Variants in RP1 observed in about 807,000 individuals in gnomAD.
RP1 encodes RP1 axonemal microtubule associated.
In RP1, 16 loss-of-function variants were observed where a neutral mutation model predicts 14.8. The observed-to-expected ratio is 1.08, with a 90% CI of 0.73 to 1.65. The LOEUF is 1.65. RP1 is among the 40% of genes most tolerant of loss of function. The probability of loss-of-function intolerance (pLI) is 0.00; values close to 1 mark genes in which losing one functional copy is unlikely to be tolerated. For missense variants in RP1, 2,631 were observed against 2,535.0 expected (o/e 1.04, Z -0.81); for synonymous variants, 876 against 883.6 (o/e 0.99, Z 0.15).
chr8:54,652,804 C>T (rs1330762530), exon 5 of RP1: 1 of 1,535,846 alleles, frequency 6.5e-7, no homozygotes, highest in Admixed American at 2.0e-5. Context: ...CATTGGAGCA[C>T]TCTTTAAGAT....
intron 23 of RP1, among the ~76,000 whole-genome samples, chr8:54,775,296 C>A (rs565516885): frequency 6.6e-6 from 1 of 152,152 alleles, no homozygotes; most frequent in Non-Finnish European, 1.5e-5. Flanking sequence ...AAGGTGGAAT[C>A]AACTTGGGCA....
intron 21 of RP1, among the ~76,000 whole-genome samples, chr8:54,757,917 G>T (rs1809548832): frequency 6.6e-6 from 1 of 152,194 alleles, no homozygotes; most frequent in Non-Finnish European, 1.5e-5. Flanking sequence ...ATCATTACTG[G>T]ACTAGTAATG....
chr8:54,611,443 C>T (rs932407869), upstream of RP1, among the ~76,000 whole-genome samples: 1 of 152,112 alleles, frequency 6.6e-6, no homozygotes, highest in Non-Finnish European at 1.5e-5. Flanking sequence ...TTTTCAAGTT[C>T]TGCTGATTGT....
At chr8:54,830,504 C>T (rs928829878) in intron 24 of RP1, among the ~76,000 whole-genome samples, 1 of 152,086 alleles carries the variant, frequency 6.6e-6, no homozygotes, top group African/African-American at 2.4e-5. Context: ...TGTTAATATA[C>T]AGATGCAGAT....
At chr8:54,867,207 T>A (rs1223605580) in intron 28 of RP1, among the ~76,000 whole-genome samples, 2 of 152,200 alleles carry the variant, frequency 1.3e-5, no homozygotes, top group Non-Finnish European at 2.9e-5. Context: ...TACCTTACTA[T>A]AGTTTCGATT....
At chr8:54,815,586 C>T (rs982993241) in intron 24 of RP1, among the ~76,000 whole-genome samples, 1 of 152,124 alleles carries the variant, frequency 6.6e-6, no homozygotes, top group African/African-American at 2.4e-5. Flanking sequence ...TCTAAGATGG[C>T]ACATTTTAAA....
At chr8:54,618,848 A>G (rs1226648004) in intron 1 of RP1, among the ~76,000 whole-genome samples, 1 of 152,118 alleles carries the variant, frequency 6.6e-6, no homozygotes, top group African/African-American at 2.4e-5. Flanking sequence ...TTTAGTAGAG[A>G]TGAGATTTCA....
intron 28 of RP1, among the ~76,000 whole-genome samples, chr8:54,867,404 T>C (rs1457507107): frequency 6.6e-6 from 1 of 152,138 alleles, no homozygotes; most frequent in East Asian, 1.9e-4. Context: ...ATTTTTATTT[T>C]TGAAAGAAAT....
chr8:54,724,577 C>T (rs1808609462), intron 16 of RP1, among the ~76,000 whole-genome samples: 1 of 149,608 alleles, frequency 6.7e-6, no homozygotes, highest in South Asian at 2.1e-4. Context: ...ACAGTTTTCA[C>T]TTTTTTTTTT....
At chr8:54,578,647 C>T (rs1260687077) in intron 1 of RP1, among the ~76,000 whole-genome samples, 1 of 151,982 alleles carries the variant, frequency 6.6e-6, no homozygotes, top group Non-Finnish European at 1.5e-5. Flanking sequence ...AATGAAGGTC[C>T]CAGGATCATG....
At chr8:54,684,088 A>T (rs1451486271) in intron 12 of RP1, among the ~76,000 whole-genome samples, 1 of 137,026 alleles carries the variant, frequency 7.3e-6, no homozygotes, top group African/African-American at 2.8e-5. Flanking sequence ...TTTTGTCTTT[A>T]GTTCTGTTTA....
chr8:54,626,504 G>A lies in RP1; in HGVS notation c.2622G>A (p.Gly874=), dbSNP rs369939931. The A allele has an allele frequency of 2.0e-5, 33 of 1,613,502 alleles. No homozygotes were observed. Among genetic ancestry groups the A allele is most frequent in the African/African-American group, 2.7e-5 (2 of 74,818 alleles). The part of the protein sequence containing the change: ...ITLKSQKKRK[G]DKVKASAILS... Reference sequence around the variant, plus strand: ...TAAAAAGCCAGAAAAAACGTAAAGGGGATAAAGTGAAAGCAAGTGCTATTT... The same window carrying A: ...TAAAAAGCCAGAAAAAACGTAAAGGAGATAAAGTGAAAGCAAGTGCTATTT... Residue 874 remains glycine (G), a synonymous_variant, in exon 4 of 4, where the codon GGG becomes GGA. Coordinates refer to ENST00000220676, the MANE Select transcript of RP1 (RefSeq NM_006269.2).
In RP1 at chr8:54,625,109, C is replaced by T. The variant is rs748967968; in HGVS notation, c.1227C>T (p.Asn409=). The T allele has an allele frequency of 2.5e-6, 4 of 1,614,004 alleles. No homozygotes were observed. The African/African-American group carries it at 5.3e-5, about 22-fold the overall frequency. Residue 409 remains asparagine (N), a synonymous_variant, in exon 4 of 4, where the codon AAC becomes AAT. Transcript: ENST00000220676. ...NQEGSLAEEI[N]IQMTDQVAET... is the part of the protein sequence containing the mutation. Reference sequence around the variant, plus strand: ...AGGGCAGTTTGGCAGAGGAGATAAACATTCAAATGACAGATCAAGTGGCTG... The same window carrying T: ...AGGGCAGTTTGGCAGAGGAGATAAATATTCAAATGACAGATCAAGTGGCTG...
At chr8:54,656,231 C>T in intron 6 of RP1, 1 of 1,530,242 alleles carries the variant, frequency 6.5e-7, no homozygotes, top group East Asian at 2.5e-5. Context: ...AAAGATTCAA[C>T]TCCAGGTAGC....
intron 19 of RP1, among the ~76,000 whole-genome samples, chr8:54,740,316 G>T (rs1420332300): frequency 1.3e-5 from 2 of 148,318 alleles, no homozygotes; most frequent in East Asian, 3.9e-4. Context: ...GAGGTGTAAG[G>T]CAGTGATATG....
intron 3 of RP1, among the ~76,000 whole-genome samples, chr8:54,639,164 G>A (rs1806411258): frequency 6.6e-6 from 1 of 152,104 alleles, no homozygotes; most frequent in Non-Finnish European, 1.5e-5. Flanking sequence ...AGAATTTTAT[G>A]CAAATGGAAT....
At chr8:54,586,981 C>G (rs537266159) in intron 1 of RP1, among the ~76,000 whole-genome samples, 7 of 152,310 alleles carry the variant, frequency 4.6e-5, no homozygotes, top group African/African-American at 1.7e-4. Context: ...GGCTCATGCT[C>G]GGTGCACTGC....
chr8:54,692,286 T>C (rs1185750053), intron 12 of RP1, among the ~76,000 whole-genome samples: 4 of 149,724 alleles, frequency 2.7e-5, no homozygotes, highest in African/African-American at 7.5e-5. Context: ...TACATGTGCA[T>C]GTGTCTTTAT....
In RP1 at chr8:54,628,515, A is replaced by C. The variant is rs767994258; in HGVS notation, c.4633A>C (p.Lys1545Gln). The change falls in exon 4 of 4, where the codon AAG (lysine) becomes CAG (glutamine). Residue 1545 changes from lysine (K) to glutamine (Q), a missense_variant. Coordinates refer to ENST00000220676, the MANE Select transcript of RP1 (RefSeq NM_006269.2). ...ATCTTTAGATTTTTGCTATGATTCT[A>C]AGCAAAATAGTGAAAAGGAGACCAA... Reference protein sequence around the residue: ...PPSLDFCYDSKQNSEKETNEG... With the variant: ...PPSLDFCYDSQQNSEKETNEG... 1.9e-6 allele frequency: 3 copies of C among 1,613,906 alleles called. No individual in the cohort carries two copies. In the Admixed American group the frequency reaches 5.0e-5, roughly 27 times the overall value.
Sources: allele counts gnomAD v4.1 joint callset (sites outside exome capture counted in the v4.1 genomes callset), GRCh38; gene constraint gnomAD v4.1.1; transcripts MANE v1.5; gene names NCBI Gene and HGNC (gene_info 2026-07-23, HGNC 2026-07-21).